Variants in TUBE1 observed in about 807,000 individuals in gnomAD.
TUBE1 encodes tubulin epsilon chain.
A neutral mutation model predicts 53.5 loss-of-function variants in TUBE1; 34 were observed. The ratio of observed to expected loss-of-function variants is 0.64; its 90% confidence interval spans 0.48 to 0.85. The LOEUF (loss-of-function observed/expected upper bound fraction) is 0.85. Ranked by LOEUF, TUBE1 falls within the 40% of genes least tolerant of loss-of-function variation. TUBE1 has a pLI of 0.00. For synonymous variants in TUBE1, 177 were observed against 198.4 expected (o/e 0.89, Z 0.91); for missense variants, 532 against 570.5 (o/e 0.93, Z 0.69).
At chr6:112,086,677 T>C in intron 2 of TUBE1, 69 bp from the exon 3 acceptor site, 1 of 1,031,788 alleles carries the variant, frequency 9.7e-7, no homozygotes, top group East Asian at 2.5e-5. Context: ...TCTTTCAATT[T>C]TAATTACATA....
Position 112,071,993 on chromosome 6 carries a change from G to A in TUBE1, c.1178C>T (p.Ser393Phe). ...SLCSVPPVGH[S>F]HSLLALANNT... Reference sequence around the variant, plus strand: ...ATTTGCTAAAGCTAATAACGAATGAGAATGGCCCACAGGAGGTACGGAACA... The same window carrying A: ...ATTTGCTAAAGCTAATAACGAATGAAAATGGCCCACAGGAGGTACGGAACA... Residue 393 changes from serine (S) to phenylalanine (F), a missense_variant, in exon 11 of 12, where the codon TCT (serine) becomes TTT (phenylalanine). Ser to Phe is a radical substitution (Grantham distance 155). Coordinates refer to ENST00000368662, the MANE Select transcript of TUBE1 (RefSeq NM_016262.5). The A allele has an allele frequency of 1.9e-6, 3 of 1,613,222 alleles. 1 individual carries two copies. The South Asian group carries it at 3.3e-5, about 18-fold the overall frequency.
At chr6:112,072,707 A>T in intron 10 of TUBE1, 51 bp downstream of exon 10, 1 of 1,590,350 alleles carries the variant, frequency 6.3e-7, no homozygotes, top group Non-Finnish European at 8.6e-7. Flanking sequence ...CTACTATGCC[A>T]CACTGTCCCA....
chr6:112,086,953 A>G (rs1777170322), intron 2 of TUBE1: 1 of 514,642 alleles, frequency 1.9e-6, no homozygotes, highest in African/African-American at 1.9e-5. Flanking sequence ...CTATTTTACA[A>G]AGTACTTTCC....
chr6:112,077,600 G>T (rs1776993307), intron 6 of TUBE1: 1 of 151,712 alleles, frequency 6.6e-6, no homozygotes, highest in Admixed American at 6.6e-5. Flanking sequence ...TACTATTCTG[G>T]TTAAAAAAAA....
rs1554317348 is a variant in TUBE1, at chr6:112,086,541, T to C, written c.152+15A>G. 6.2e-7 allele frequency: 1 copy of C among 1,607,190 alleles called. No homozygotes were observed. Among genetic ancestry groups the C allele is most frequent in the Non-Finnish European group, 8.5e-7 (1 of 1,174,398 alleles). On this transcript the variant is annotated intron_variant, in intron 3 of 11. Transcript: ENST00000368662. The stretch of plus-strand genomic sequence containing the variant: ...TTAAAGTATCACACTGTGACAGACT[T>C]TAATCCCATCTTACCTGGTGTCCAC...
Position 112,087,255 on chromosome 6 carries a change from C to G in TUBE1, c.77G>C (p.Arg26Thr). The G allele has an allele frequency of 1.9e-6, 3 of 1,551,600 alleles. No homozygotes were observed. Among genetic ancestry groups the G allele is most frequent in the Non-Finnish European group, 2.6e-6 (3 of 1,147,106 alleles). ...TACCTGGTTGACCGCGGCGTGCTCC[C>G]TTAGTGCCAGGTCCCAGAAGCAGCA... ...IGCCFWDLAL[R>T]EHAAVNQKGI... Residue 26 changes from arginine to threonine, a missense_variant, in exon 2 of 12, where the codon AGG becomes ACG. Transcript: ENST00000368662.
chr6:112,079,700 T>A lies in TUBE1; in HGVS notation c.381A>T (p.Lys127Asn). The stretch of plus-strand genomic sequence containing the variant: ...CACAGTGCTCTGCCGACTTTCTGAA[T>A]TTCTCTAAAATCTGGTCTTGGTAAA... ...GSLYQDQILE[K>N]FRKSAEHCDC... Residue 127 changes from lysine to asparagine, a missense_variant, in exon 6 of 12, where the codon AAA becomes AAT. Coordinates refer to ENST00000368662, the MANE Select transcript of TUBE1 (RefSeq NM_016262.5). 6.2e-7 allele frequency: 1 copy of A among 1,612,328 alleles called. No homozygotes were observed. Among genetic ancestry groups the A allele is most frequent in the South Asian group, 1.1e-5 (1 of 90,812 alleles).
intron 9 of TUBE1, among the ~76,000 whole-genome samples, chr6:112,073,737 G>T (rs1554315659): frequency 1.3e-5 from 2 of 152,126 alleles, no homozygotes; most frequent in African/African-American, 2.4e-5. Flanking sequence ...TTATAAAAAA[G>T]AATCTTTAGT....
intron 6 of TUBE1, 192 bp downstream of exon 6, chr6:112,079,441 A>C (rs1269180751): frequency 4.3e-5 from 19 of 442,440 alleles, no homozygotes; most frequent in Non-Finnish European, 7.3e-5. Context: ...AAAAAAGAAA[A>C]GAAAAGAAAA....
At chr6:112,087,205 G>A in intron 2 of TUBE1, 28 bp downstream of exon 2, 1 of 1,547,312 alleles carries the variant, frequency 6.5e-7, no homozygotes, top group Non-Finnish European at 8.7e-7. Context: ...GCTGACAGGC[G>A]AGGGGGCTCG....
chr6:112,074,015 C>T (rs1471280641), intron 9 of TUBE1, among the ~76,000 whole-genome samples: 1 of 152,166 alleles, frequency 6.6e-6, no homozygotes, highest in African/African-American at 2.4e-5. Context: ...GTTGGAATTA[C>T]AGGTGTGAGC....
chr6:112,087,288 T>C lies in TUBE1; in HGVS notation c.44A>G (p.Gln15Arg). Reference protein sequence around the residue: ...VVVQVGQCGNQIGCCFWDLAL... With the variant: ...VVVQVGQCGNRIGCCFWDLAL... ...CAGGTCCCAGAAGCAGCAGCCGATC[T>C]GGTTTCCGCACTGGCCGACTGCGAC... is the stretch of plus-strand genomic sequence containing the variant. The change falls in exon 2 of 12, where the codon CAG becomes CGG. Residue 15 changes from glutamine to arginine, a missense_variant. Physicochemically the swap from Gln to Arg is conservative, Grantham distance 43. Transcript: ENST00000368662. The C allele has an allele frequency of 6.4e-7, 1 of 1,552,648 alleles. No individual in the cohort carries two copies. Among genetic ancestry groups the C allele is most frequent in the Non-Finnish European group, 8.7e-7 (1 of 1,147,462 alleles).
chr6:112,087,473 G>GGCCGCTTCTGCATTCCCCCA lies in TUBE1; in HGVS notation c.-40_-39insTGGGGGAATGCAGAAGCGGC. On this transcript the variant is annotated 5_prime_UTR_variant, in exon 1 of 12. In the 5' UTR this introduces an upstream ATG that the reference lacks. Transcript: ENST00000368662. ...CGGCTCCGGGAGCTTGCTAGCCCGC[G>GGCCGCTTCTGCATTCCCCCA]GCCGCTTCTGCATTCCCCCAGCAAC... 1 of 1,547,518 alleles carries GGCCGCTTCTGCATTCCCCCA rather than the reference G, an allele frequency of 6.5e-7. No homozygotes were observed. Among genetic ancestry groups the GGCCGCTTCTGCATTCCCCCA allele is most frequent in the Non-Finnish European group, 8.7e-7 (1 of 1,145,400 alleles).
chr6:112,086,395 T>C (rs1258407075), intron 3 of TUBE1, among the ~76,000 whole-genome samples, 161 bp downstream of exon 3: 2 of 152,210 alleles, frequency 1.3e-5, no homozygotes, highest in South Asian at 4.1e-4. Context: ...GGGAAAATGA[T>C]ATAAGAATAT....
chr6:112,085,605 A>C (rs1777137366), intron 3 of TUBE1: 1 of 463,338 alleles, frequency 2.2e-6, no homozygotes, highest in East Asian at 7.0e-5. Context: ...ATAAGAGGGA[A>C]TCTATAGTCT....
At chr6:112,075,050 T>C in intron 8 of TUBE1, 200 bp from the exon 9 acceptor site, 1 of 250,108 alleles carries the variant, frequency 4.0e-6, no homozygotes, top group Non-Finnish European at 7.5e-6. Flanking sequence ...ACACAACATC[T>C]ACATTTTTTT....
chr6:112,074,646 CT>C (rs1371789713), intron 9 of TUBE1, 63 bp downstream of exon 9: 21 of 1,284,892 alleles, frequency 1.6e-5, no homozygotes, highest in Non-Finnish European at 2.0e-5. Context: ...AAACTTTTTT[CT>C]CTTAAAAATG....
intron 6 of TUBE1, chr6:112,078,439 T>C (rs1385930380): frequency 6.6e-6 from 1 of 152,038 alleles, no homozygotes; most frequent in Non-Finnish European, 1.5e-5. Context: ...AAAGTTACAG[T>C]ATAGTATATA....
chr6:112,071,353 A>C lies in TUBE1; in HGVS notation c.*59T>G. ...AGTTTCCAAATTACAAAAATGTTGA[A>C]ACAGAAAGGTCAGAAAAAACAATGT... On this transcript the variant is annotated 3_prime_UTR_variant, in exon 12 of 12. Coordinates refer to ENST00000368662, the MANE Select transcript of TUBE1 (RefSeq NM_016262.5). The C allele has an allele frequency of 7.2e-7, 1 of 1,398,186 alleles. No individual in the cohort carries two copies. The highest frequency in any genetic ancestry group is 9.4e-7 in the Non-Finnish European group (1 of 1,058,976). The allele number at this position is 1,398,186 out of a possible 1,614,324, so 86.6% of individuals were successfully genotyped here.
Sources: allele counts gnomAD v4.1 joint callset (sites outside exome capture counted in the v4.1 genomes callset), GRCh38; gene constraint gnomAD v4.1.1; transcripts MANE v1.5; gene names NCBI Gene and HGNC (gene_info 2026-07-23, HGNC 2026-07-21).